MSRA: variants seen among roughly 807,000 people sequenced by gnomAD.
The protein encoded by MSRA is mitochondrial peptide methionine sulfoxide reductase.
Under a neutral mutation model 31.3 loss-of-function variants are expected in MSRA, and 54 were observed. That is an observed-to-expected ratio of 1.73 (90% CI 1.39 to 2.17). MSRA has a LOEUF of 2.17. MSRA is among the 30% of genes most tolerant of loss of function. The pLI is 0.00. For synonymous variants in MSRA, 169 were observed against 116.5 expected, an observed-to-expected ratio of 1.45 and a Z score of -2.90; for missense variants, 507 against 300.9, an observed-to-expected ratio of 1.69 and a Z score of -5.07.
chr8:10,171,834 T>C (rs1002308826), intron 1 of MSRA, among the ~76,000 whole-genome samples: 1 of 152,250 alleles, frequency 6.6e-6, no homozygotes, highest in African/African-American at 2.4e-5. Context: ...CTGCTTGAAA[T>C]CAGAAAGTAT....
intron 1 of MSRA, among the ~76,000 whole-genome samples, chr8:10,178,453 AAAACAC>A (rs1806250475): frequency 6.6e-6 from 1 of 152,190 alleles, no homozygotes; most frequent in South Asian, 2.1e-4. Flanking sequence ...AATAAAAACA[AAAACAC>A]AATAACATTC....
chr8:10,346,934 A>G (rs769295259), intron 5 of MSRA, among the ~76,000 whole-genome samples: 3 of 152,122 alleles, frequency 2.0e-5, no homozygotes, highest in African/African-American at 7.2e-5. Context: ...TAGTCAGACT[A>G]GTGTCCATTT....
intron 3 of MSRA, among the ~76,000 whole-genome samples, chr8:10,251,890 C>T (rs1224499706): frequency 6.7e-6 from 1 of 150,100 alleles, no homozygotes; most frequent in Non-Finnish European, 1.5e-5. Flanking sequence ...GTCATGGGGA[C>T]GTCAAGGCAT....
At chr8:10,404,228 C>T (rs1807650511) in intron 5 of MSRA, among the ~76,000 whole-genome samples, 1 of 152,126 alleles carries the variant, frequency 6.6e-6, no homozygotes, top group African/African-American at 2.4e-5. Flanking sequence ...TGCTCCTCCT[C>T]CACAAATAGC....
At chr8:10,280,759 A>G (rs573479105) in intron 3 of MSRA, among the ~76,000 whole-genome samples, 1 of 152,378 alleles carries the variant, frequency 6.6e-6, no homozygotes, top group African/African-American at 2.4e-5. Context: ...CATAATAGCC[A>G]TAAAGTGGAA....
intron 1 of MSRA, among the ~76,000 whole-genome samples, chr8:10,168,366 G>A (rs1805322160): frequency 6.6e-6 from 1 of 152,124 alleles, no homozygotes; most frequent in Non-Finnish European, 1.5e-5. Flanking sequence ...CGTCGCTGGT[G>A]TGCTATCATC....
chr8:10,074,177 G>C (rs1345327927), intron 1 of MSRA, among the ~76,000 whole-genome samples: 2 of 138,604 alleles, frequency 1.4e-5, no homozygotes, highest in Admixed American at 8.1e-5. Context: ...CTGCCTCCAG[G>C]GTTCATACCA....
At chr8:10,389,918 A>G (rs1045512595) in intron 5 of MSRA, among the ~76,000 whole-genome samples, 1 of 152,046 alleles carries the variant, frequency 6.6e-6, no homozygotes, top group African/African-American at 2.4e-5. Flanking sequence ...AGCTGCGCTC[A>G]GGCCCAAACG....
intron 5 of MSRA, among the ~76,000 whole-genome samples, chr8:10,359,206 C>A (rs928836193): frequency 2.0e-5 from 3 of 152,132 alleles, no homozygotes; most frequent in African/African-American, 7.2e-5. Context: ...CAGGAGCAGA[C>A]TCCTCTTCTC....
rs370782547 is a variant in MSRA at position 10,420,857 on chromosome 8, A to G, written c.544-7291A>G. 1.1e-4 allele frequency among the ~76,000 whole-genome samples: 16 copies of G among 150,894 alleles called. No individual in the cohort carries two copies. The East Asian group carries it at 3.0e-3, about 28-fold the overall frequency. On this transcript the variant is annotated intron_variant, in intron 5 of 5. Coordinates refer to ENST00000317173, the MANE Select transcript of MSRA (RefSeq NM_012331.5). ...CTGTACACTTAAAAATGGCTAAGATAGTACATTTTATGTTGTGTGTATTTT... is the reference window on the plus strand; with the variant it reads ...CTGTACACTTAAAAATGGCTAAGATGGTACATTTTATGTTGTGTGTATTTT...
At chr8:10,061,627 A>G (rs1009157211) in intron 1 of MSRA, among the ~76,000 whole-genome samples, 4 of 152,110 alleles carry the variant, frequency 2.6e-5, no homozygotes, top group Non-Finnish European at 5.9e-5. Flanking sequence ...AGTGCAGTCA[A>G]TAGTGTTTTA....
intron 1 of MSRA, 24 bp downstream of exon 1, chr8:10,054,682 C>A: frequency 1.3e-6 from 2 of 1,488,638 alleles, no homozygotes; most frequent in Non-Finnish European, 1.8e-6. Flanking sequence ...ACACGGAAGG[C>A]GCGGGCGGCG....
At chr8:10,417,419 G>GACATACAC (rs1554557400) in intron 5 of MSRA, among the ~76,000 whole-genome samples, 2 of 145,380 alleles carry the variant, frequency 1.4e-5, no homozygotes, top group Admixed American at 6.8e-5. Context: ...TTCGTCAGAA[G>GACATACAC]ACACACACAC....
intron 5 of MSRA, among the ~76,000 whole-genome samples, chr8:10,365,277 G>A (rs1029753805): frequency 6.6e-6 from 1 of 151,468 alleles, no homozygotes. Context: ...CGCTCCCTCC[G>A]AGCATCTGTG....
chr8:10,066,126 G>A (rs769131038), intron 1 of MSRA, among the ~76,000 whole-genome samples: 2 of 152,042 alleles, frequency 1.3e-5, no homozygotes, highest in African/African-American at 2.4e-5. Context: ...GGATTCAAGC[G>A]ATTCTCCATA....
intron 1 of MSRA, among the ~76,000 whole-genome samples, chr8:10,188,520 T>C (rs1188269035): frequency 6.6e-6 from 1 of 152,228 alleles, no homozygotes; most frequent in Non-Finnish European, 1.5e-5. Context: ...AATGGGGAAC[T>C]GTATTCAGGT....
intron 3 of MSRA, among the ~76,000 whole-genome samples, chr8:10,275,725 G>A (rs1799286677): frequency 6.6e-6 from 1 of 152,116 alleles, no homozygotes; most frequent in Non-Finnish European, 1.5e-5. Flanking sequence ...GCAGTCGGTC[G>A]ACTCTGTCAC....
intron 1 of MSRA, among the ~76,000 whole-genome samples, chr8:10,190,755 G>C (rs981258075): frequency 6.6e-6 from 1 of 152,186 alleles, no homozygotes; most frequent in Non-Finnish European, 1.5e-5. Flanking sequence ...TCTGAGTTGA[G>C]ACTTCTGTGA....
chr8:10,390,972 C>T (rs1292697843), intron 5 of MSRA, among the ~76,000 whole-genome samples: 1 of 94,528 alleles, frequency 1.1e-5, no homozygotes, highest in Non-Finnish European at 2.9e-5. Context: ...GAGACTCTGT[C>T]TCAAAAGAAA....
Sources: allele counts gnomAD v4.1 joint callset (sites outside exome capture counted in the v4.1 genomes callset), GRCh38; gene constraint gnomAD v4.1.1; transcripts MANE v1.5; gene names NCBI Gene and HGNC (gene_info 2026-07-23, HGNC 2026-07-21).